PRPF6: variants seen among roughly 807,000 people sequenced by gnomAD.
The protein encoded by PRPF6 is pre-mRNA-processing factor 6.
PRPF6 carries 42 observed loss-of-function variants against 118.3 expected under a neutral mutation model. The ratio of observed to expected loss-of-function variants is 0.35; its 90% CI spans 0.28 to 0.46. The LOEUF is 0.46. Ranked by LOEUF, PRPF6 falls within the 20% of genes least tolerant of loss-of-function variation. The probability of loss-of-function intolerance (pLI) is 1.00; values close to 1 mark genes in which losing one functional copy is unlikely to be tolerated. For synonymous variants in PRPF6, 481 were observed against 485.1 expected (o/e 0.99, Z 0.11); for missense variants, 662 against 1,255.7 (o/e 0.53, Z 7.15).
intron 12 of PRPF6, among the ~76,000 whole-genome samples, chr20:64,017,645 A>G (rs930237889): frequency 6.6e-6 from 1 of 151,484 alleles, no homozygotes. Context: ...GGCCTCCCAG[A>G]GTGCTGGGAT....
At chr20:64,025,701 C>CTCTT (rs1336111748) in intron 14 of PRPF6, among the ~76,000 whole-genome samples, 9 of 152,254 alleles carry the variant, frequency 5.9e-5, no homozygotes, top group Admixed American at 5.9e-4. Context: ...CTTTAGCAGC[C>CTCTT]TCTTCACTGT....
Position 64,011,582 on chromosome 20 carries a change from G to C in PRPF6, c.1524+79G>C. On this transcript the variant is annotated intron_variant, in intron 11 of 20. Transcript: ENST00000266079. The surrounding 1 kb of genome is among the most constrained non-coding windows in gnomAD (Gnocchi z 6.7). The stretch of plus-strand genomic sequence containing the variant: ...GTGAGAGTCCCACGCAGGACTGGGG[G>C]TTGCTGGATGGTACTGGGGAGTCCT... 1 of 1,471,266 alleles carries C rather than the reference G, an allele frequency of 6.8e-7. No homozygotes were observed. Among genetic ancestry groups the C allele is most frequent in the Non-Finnish European group, 9.2e-7 (1 of 1,082,202 alleles). The allele number at this position is 1,471,266 out of a possible 1,614,324, so 91.1% of individuals were successfully genotyped here.
chr20:63,994,005 C>T (rs1404214577), intron 4 of PRPF6, among the ~76,000 whole-genome samples: 4 of 152,136 alleles, frequency 2.6e-5, no homozygotes, highest in African/African-American at 4.8e-5. Flanking sequence ...CCACCTCAGC[C>T]TCCCAAAGGG....
intron 9 of PRPF6, among the ~76,000 whole-genome samples, chr20:64,006,211 A>G (rs1483816594): frequency 2.6e-5 from 4 of 151,926 alleles, no homozygotes; most frequent in Non-Finnish European, 4.4e-5. Context: ...TTTGGGAGTC[A>G]GGGTTAGCCT....
At chr20:63,984,341 A>T (rs539774556) in intron 2 of PRPF6, among the ~76,000 whole-genome samples, 1 of 152,082 alleles carries the variant, frequency 6.6e-6, no homozygotes, top group Non-Finnish European at 1.5e-5. Flanking sequence ...GAATGCTGTG[A>T]ACCCGGGAGG....
At chr20:64,022,109 G>A (rs1882243008) in intron 12 of PRPF6, among the ~76,000 whole-genome samples, 1 of 152,184 alleles carries the variant, frequency 6.6e-6, no homozygotes, top group South Asian at 2.1e-4. Context: ...TGCACCTCTC[G>A]CAGGCCAAGG....
intron 3 of PRPF6, among the ~76,000 whole-genome samples, chr20:63,989,221 C>T (rs369831015): frequency 1.2e-4 from 18 of 152,230 alleles, no homozygotes; most frequent in African/African-American, 4.3e-4. Context: ...CTCTCTGTCA[C>T]CACATACAAA....
chr20:64,021,497 CTG>C (rs980336502), intron 12 of PRPF6, among the ~76,000 whole-genome samples: 2 of 141,070 alleles, frequency 1.4e-5, no homozygotes, highest in South Asian at 2.2e-4. Flanking sequence ...AGCCACAGCC[CTG>C]TGTCTGTGTG....
intron 12 of PRPF6, among the ~76,000 whole-genome samples, chr20:64,021,357 GTGTGCATGTGTGTGCA>G (rs1454330354): frequency 6.6e-6 from 1 of 150,410 alleles, no homozygotes; most frequent in Non-Finnish European, 1.5e-5. Context: ...GTGTGTGTGC[GTGTGCATGTGTGTGCA>G]TGTATGTATA....
rs756888032 is a variant in PRPF6, at chr20:64,027,631, T to C, written c.2234T>C (p.Leu745Pro). The change falls in exon 17 of 21, where the codon CTG (leucine) becomes CCG (proline). Residue 745 changes from leucine (L) to proline (P), a missense_variant. Transcript: ENST00000266079. The surrounding 1 kb of genome is among the most constrained non-coding windows in gnomAD (Gnocchi z 6.5). ...GLKKCPHSTP[L>P]WLLLSRLEEK... Reference sequence around the variant, plus strand: ...AAGAAGTGTCCCCACTCCACACCCCTGTGGCTTTTGCTCTCTCGGCTGGAG... The same window carrying C: ...AAGAAGTGTCCCCACTCCACACCCCCGTGGCTTTTGCTCTCTCGGCTGGAG... The C allele has an allele frequency of 1.2e-6, 2 of 1,614,142 alleles. No individual in the cohort carries two copies. The highest frequency in any genetic ancestry group is 2.2e-5 in the South Asian group (2 of 91,080).
chr20:64,007,284 G>A (rs2059194338), intron 9 of PRPF6, among the ~76,000 whole-genome samples: 2 of 152,144 alleles, frequency 1.3e-5, no homozygotes, highest in African/African-American at 4.8e-5. Context: ...TTCATTCCCT[G>A]CCAGGGCCTC....
intron 12 of PRPF6, among the ~76,000 whole-genome samples, chr20:64,018,153 G>A (rs2059247391): frequency 2.0e-5 from 3 of 152,140 alleles, no homozygotes; most frequent in Admixed American, 2.0e-4. Flanking sequence ...CTGTGATTGC[G>A]CCACTGCACT....
chr20:64,005,218 CTGA>C (rs1479016019), intron 9 of PRPF6, among the ~76,000 whole-genome samples: 1 of 152,150 alleles, frequency 6.6e-6, no homozygotes, highest in Non-Finnish European at 1.5e-5. Flanking sequence ...CTGTGGGCTG[CTGA>C]TGAGATGCCA....
chr20:63,985,060 CA>C (rs769176860), intron 3 of PRPF6, 35 bp downstream of exon 3: 2 of 1,583,484 alleles, frequency 1.3e-6, no homozygotes, highest in Non-Finnish European at 1.7e-6. Flanking sequence ...AATATTTATC[CA>C]AGTTTAAAAA....
chr20:63,982,462 G>A (rs1016813398), intron 1 of PRPF6, among the ~76,000 whole-genome samples: 7 of 152,172 alleles, frequency 4.6e-5, no homozygotes, highest in African/African-American at 9.7e-5. Flanking sequence ...GAGCCACCAC[G>A]CCCGGCCCAG....
Position 64,028,342 on chromosome 20 carries a change from G to A in PRPF6, c.2340-136G>A, listed in dbSNP as rs1294690315. 4 of 885,940 alleles carry A rather than the reference G, an allele frequency of 4.5e-6. No individual in the cohort carries two copies. The highest frequency in any genetic ancestry group is 7.3e-6 in the Non-Finnish European group (4 of 548,768). The allele number at this position is 885,940 out of a possible 1,614,324, so 54.9% of individuals were successfully genotyped here. ...AGCGCCTTGTTTCTGTGGTGGATGAGCTCTGCTGTGGAGGGAATGGAGTTT... is the reference window on the plus strand; with the variant it reads ...AGCGCCTTGTTTCTGTGGTGGATGAACTCTGCTGTGGAGGGAATGGAGTTT... On this transcript the variant is annotated intron_variant, in intron 17 of 20. Coordinates refer to ENST00000266079, the MANE Select transcript of PRPF6 (RefSeq NM_012469.4). This position sits in a 1 kb window ranked among gnomAD's most constrained non-coding sequence, Gnocchi z 6.5.
rs2059292454 is a variant in PRPF6 at position 64,026,682 on chromosome 20, TC to T, written c.2029-298del. 6.9e-6 allele frequency among the ~76,000 whole-genome samples: 1 copy of T among 145,662 alleles called. No homozygotes were observed. The highest frequency in any genetic ancestry group is 1.5e-5 in the Non-Finnish European group (1 of 66,444). The stretch of plus-strand genomic sequence containing the variant: ...GGGTGTGGTGGCTTGCACCTGTAGT[TC>T]CAGCTACTTGGGAGGCTGAGGCAGG... On this transcript the variant is annotated intron_variant, in intron 15 of 20. Coordinates refer to ENST00000266079, the MANE Select transcript of PRPF6 (RefSeq NM_012469.4). The surrounding 1 kb of genome is among the most constrained non-coding windows in gnomAD (Gnocchi z 4.4).
chr20:63,998,511 TGACAGAGTGA>T (rs1440670389), intron 6 of PRPF6, among the ~76,000 whole-genome samples: 1 of 150,226 alleles, frequency 6.7e-6, no homozygotes, highest in African/African-American at 2.5e-5. Flanking sequence ...CCTGCTTGGG[TGACAGAGTGA>T]GACCCTGTCT....
chr20:64,031,840 GC>G, intron 19 of PRPF6, 77 bp from the exon 20 acceptor site: 1 of 1,598,164 alleles, frequency 6.3e-7, no homozygotes. Flanking sequence ...GAAGCTGATG[GC>G]CCTGAAGCCG....
Sources: allele counts gnomAD v4.1 joint callset (sites outside exome capture counted in the v4.1 genomes callset), GRCh38; gene constraint gnomAD v4.1.1; non-coding constraint Gnocchi (gnomAD v3.1); transcripts MANE v1.5; gene names NCBI Gene and HGNC (gene_info 2026-07-23, HGNC 2026-07-21).